Variants in DCHS2 observed in about 807,000 individuals in gnomAD.
DCHS2 encodes the protein dachsous cadherin-related 2, also known as protocadherin-23.
DCHS2 carries 142 observed loss-of-function variants against 182.4 expected under a neutral mutation model. The ratio of observed to expected loss-of-function variants is 0.78; its 90% confidence interval spans 0.68 to 0.89. DCHS2 has a LOEUF of 0.89. Among genes scored for constraint, DCHS2 ranks in the 40% least tolerant of loss-of-function variants. The pLI, the probability that DCHS2 is intolerant of heterozygous loss-of-function variation, is 0.00. For missense variants in DCHS2, 4,319 were observed against 4,198.6 expected, an observed-to-expected ratio of 1.03 and a Z score of -0.79; for synonymous variants, 1,740 against 1,663.3, an observed-to-expected ratio of 1.05 and a Z score of -1.12.
intron 1 of DCHS2, among the ~76,000 whole-genome samples, chr4:154,458,225 A>G (rs1184912685): frequency 2.3e-5 from 3 of 128,726 alleles, no homozygotes; most frequent in African/African-American, 5.1e-5. Context: ...ACCCAAAGAG[A>G]AACAATATTT....
In DCHS2 at chr4:154,251,364, C is replaced by G. The variant is rs570630399; in HGVS notation, c.6941+4155G>C. On this transcript the variant is annotated intron_variant, in intron 16 of 19. Transcript: ENST00000357232. ...TACTAGCTTCGGATTCTTGGCCAAA[C>G]CACTTTACCTCTCTGAGTTCCCATT... 2.0e-5 allele frequency among the ~76,000 whole-genome samples: 3 copies of G among 151,946 alleles called. No homozygotes were observed. In the East Asian group the frequency reaches 5.8e-4, roughly 30 times the overall value.
chr4:154,355,605 C>T (rs1729823805), intron 3 of DCHS2: 3 of 152,146 alleles, frequency 2.0e-5, no homozygotes, highest in African/African-American at 4.8e-5. Context: ...TTCATTCTTG[C>T]GTGAGGTCCA....
At position 154,332,759 on chromosome 4, in the gene DCHS2, T is replaced by C. The variant is rs764210708; in HGVS notation, c.3449A>G (p.Tyr1150Cys). The change falls in exon 5 of 20, where the codon TAT (tyrosine) becomes TGT (cysteine). Residue 1150 changes from tyrosine to cysteine, a missense_variant. Tyr to Cys is a radical substitution (Grantham distance 194). Transcript: ENST00000357232. ...AAAATTATATGTTTGGGTGGATTCATAGTCAAACTGTCGCCGCAAATAAAT... is the reference window on the plus strand; with the variant it reads ...AAAATTATATGTTTGGGTGGATTCACAGTCAAACTGTCGCCGCAAATAAAT... ...GWIYLRRQFDYESTQTYNFRV... is the reference protein window; with the variant it reads ...GWIYLRRQFDCESTQTYNFRV... 6.2e-7 allele frequency: 1 copy of C among 1,614,224 alleles called. No individual in the cohort carries two copies. Among genetic ancestry groups the C allele is most frequent in the Non-Finnish European group, 8.5e-7 (1 of 1,180,040 alleles).
At chr4:154,258,671 G>T (rs750440066) in intron 15 of DCHS2, among the ~76,000 whole-genome samples, 6 of 151,916 alleles carry the variant, frequency 3.9e-5, no homozygotes, top group Non-Finnish European at 8.8e-5. Flanking sequence ...GCCACTGTGG[G>T]GTCTTTTTAT....
rs999324951 is a variant in DCHS2, at chr4:154,394,031, A to C, written c.2053-16587T>G. The stretch of plus-strand genomic sequence containing the variant: ...TAAAAACACAGTTGACAAAAACTAA[A>C]ATTTTACACATCCATTGGATAGATT... On this transcript the variant is annotated intron_variant, in intron 1 of 19. Transcript: ENST00000357232. Among the ~76,000 whole-genome samples, 48 of 152,178 alleles carry C rather than the reference A, an allele frequency of 3.2e-4. 3 individuals are homozygous for C. The highest frequency in any genetic ancestry group is 6.6e-5 in the Admixed American group (1 of 15,260).
At chr4:154,444,823 C>T (rs1310640731) in intron 1 of DCHS2, among the ~76,000 whole-genome samples, 2 of 152,208 alleles carry the variant, frequency 1.3e-5, no homozygotes, top group African/African-American at 4.8e-5. Flanking sequence ...ACCATCTCTC[C>T]ACATCTCTTC....
chr4:154,356,239 AACAAAGAAAAGCTTATACAATAAGGAT>A (rs1729858100), intron 3 of DCHS2, among the ~76,000 whole-genome samples: 2 of 152,178 alleles, frequency 1.3e-5, no homozygotes, highest in African/African-American at 4.8e-5. Flanking sequence ...AAAAATTAAA[AACAAAGAAAAGCTTATACAATAAGGAT>A]ACAAAGAAAG....
chr4:154,475,534 T>G (rs1374415441), intron 1 of DCHS2, among the ~76,000 whole-genome samples: 1 of 152,232 alleles, frequency 6.6e-6, no homozygotes, highest in Non-Finnish European at 1.5e-5. Context: ...GTATTATTTA[T>G]GACCACGTCC....
intron 1 of DCHS2, among the ~76,000 whole-genome samples, chr4:154,436,317 T>A (rs142962140): frequency 8.9e-4 from 136 of 152,348 alleles, no homozygotes; most frequent in Middle Eastern, 3.4e-3. Flanking sequence ...AAGTAGCTCT[T>A]TATAGCTTAT....
rs771782577 is a variant in DCHS2 at position 154,297,854 on chromosome 4, C to G, written c.6460G>C (p.Ala2154Pro). 1 of 1,604,896 alleles carries G rather than the reference C, an allele frequency of 6.2e-7. No homozygotes were observed. The highest frequency in any genetic ancestry group is 1.1e-5 in the South Asian group (1 of 90,220). Residue 2154 changes from alanine (A) to proline (P), a missense_variant, in exon 13 of 20, where the codon GCA becomes CCA. Coordinates refer to ENST00000357232, the MANE Select transcript of DCHS2 (RefSeq NM_001358235.2). Reference protein sequence around the residue: ...YKGLVTENCEAGTSIVTVKAF... With the variant: ...YKGLVTENCEPGTSIVTVKAF... ...AAAAACTTGAAGGGACACTCACCTGCCTCACAATTTTCAGTCACGAGCCCT... is the reference window on the plus strand; with the variant it reads ...AAAAACTTGAAGGGACACTCACCTGGCTCACAATTTTCAGTCACGAGCCCT...
intron 3 of DCHS2, among the ~76,000 whole-genome samples, chr4:154,341,294 G>T (rs137860099): frequency 2.0e-5 from 3 of 151,034 alleles, no homozygotes; most frequent in Admixed American, 2.0e-4. Flanking sequence ...GCGTGAACCC[G>T]GGAAGTGGAG....
chr4:154,253,106 G>A (rs1480779817), intron 16 of DCHS2, among the ~76,000 whole-genome samples: 1 of 132,568 alleles, frequency 7.5e-6, no homozygotes, highest in East Asian at 2.7e-4. Context: ...GGGGTGGGGG[G>A]CGGGGTGTGG....
intron 3 of DCHS2, among the ~76,000 whole-genome samples, chr4:154,340,563 C>T (rs183731398): frequency 6.6e-6 from 1 of 152,214 alleles, no homozygotes; most frequent in Admixed American, 6.5e-5. Context: ...TTTTGAGGTT[C>T]CCGATGATTT....
At chr4:154,352,083 A>G (rs1729646340) in intron 3 of DCHS2, among the ~76,000 whole-genome samples, 1 of 152,102 alleles carries the variant, frequency 6.6e-6, no homozygotes, top group Non-Finnish European at 1.5e-5. Context: ...ACATACACAC[A>G]CAGAGAGACT....
chr4:154,417,581 G>T (rs1176556925), intron 1 of DCHS2, among the ~76,000 whole-genome samples: 2 of 152,096 alleles, frequency 1.3e-5, no homozygotes, highest in African/African-American at 4.8e-5. Context: ...ATTGTTTTAT[G>T]CACTATTTGG....
chr4:154,374,273 C>T (rs946275021), intron 2 of DCHS2: 1 of 302,184 alleles, frequency 3.3e-6, no homozygotes, highest in Admixed American at 4.7e-5. Flanking sequence ...TCAACAGGGG[C>T]TTGTTTAGAT....
intron 9 of DCHS2, among the ~76,000 whole-genome samples, chr4:154,319,661 A>C (rs1487452982): frequency 1.7e-4 from 2 of 11,666 alleles, no homozygotes; most frequent in Admixed American, 7.4e-3. Context: ...GTTACTAAAA[A>C]AAAAAAAAAA....
At chr4:154,308,954 A>C (rs1735566368) in intron 10 of DCHS2, among the ~76,000 whole-genome samples, 1 of 152,186 alleles carries the variant, frequency 6.6e-6, no homozygotes, top group South Asian at 2.1e-4. Flanking sequence ...GTAAGAGGGA[A>C]GAAAGAACAT....
chr4:154,266,337 G>T (rs777414859), intron 14 of DCHS2, among the ~76,000 whole-genome samples: 1 of 151,120 alleles, frequency 6.6e-6, no homozygotes, highest in Admixed American at 6.7e-5. Context: ...TTTTTTTGTT[G>T]TTTGTTTGTT....
Sources: allele counts gnomAD v4.1 joint callset (sites outside exome capture counted in the v4.1 genomes callset), GRCh38; gene constraint gnomAD v4.1.1; transcripts MANE v1.5; gene names NCBI Gene and HGNC (gene_info 2026-07-23, HGNC 2026-07-21).